SUGCT: variants seen among roughly 807,000 people sequenced by gnomAD.
The protein encoded by SUGCT is succinyl-CoA:glutarate CoA-transferase.
A neutral mutation model predicts 55.0 loss-of-function variants in SUGCT; 41 were observed. The observed-to-expected ratio is 0.74, with a 90% CI of 0.58 to 0.97. The LOEUF is 0.97. SUGCT is among the 50% of genes least tolerant of loss of function. The probability of loss-of-function intolerance (pLI) is 0.00; values close to 1 mark genes in which losing one functional copy is unlikely to be tolerated. For missense variants in SUGCT, 568 were observed against 547.8 expected, an observed-to-expected ratio of 1.04 and a Z score of -0.37; for synonymous variants, 187 against 200.4, an observed-to-expected ratio of 0.93 and a Z score of 0.56.
chr7:40,285,076 A>G (rs1317916099), intron 8 of SUGCT, among the ~76,000 whole-genome samples: 1 of 152,218 alleles, frequency 6.6e-6, no homozygotes, highest in Non-Finnish European at 1.5e-5. Flanking sequence ...TAGTGGGAGA[A>G]TATCCCAAAG....
At chr7:40,154,920 T>C (rs1783807247) in intron 1 of SUGCT, among the ~76,000 whole-genome samples, 1 of 152,218 alleles carries the variant, frequency 6.6e-6, no homozygotes, top group South Asian at 2.1e-4. Context: ...TATTCAGAAC[T>C]AAAATAGAGG....
intron 9 of SUGCT, among the ~76,000 whole-genome samples, chr7:40,392,972 G>A (rs911413340): frequency 2.6e-5 from 4 of 152,202 alleles, no homozygotes; most frequent in African/African-American, 9.6e-5. Context: ...AAGAGGGTCA[G>A]GCAGAAGATA....
At chr7:40,295,944 G>A (rs1276516035) in intron 8 of SUGCT, among the ~76,000 whole-genome samples, 1 of 152,120 alleles carries the variant, frequency 6.6e-6, no homozygotes, top group Non-Finnish European at 1.5e-5. Context: ...GATTTACTTT[G>A]CCATGTGTAG....
At chr7:40,622,583 T>G (rs1290552366) in intron 12 of SUGCT, among the ~76,000 whole-genome samples, 1 of 147,724 alleles carries the variant, frequency 6.8e-6, no homozygotes, top group African/African-American at 2.5e-5. Context: ...TGGCTAAAAT[T>G]CACACACATA....
chr7:41,018,273 CACCAAAGGGGCT>C, the SUGCT span, among the ~76,000 whole-genome samples: 1 of 152,066 alleles, frequency 6.6e-6, no homozygotes. Context: ...CCAGAAAGGC[CACCAAAGGGGCT>C]ACCAGAGAAG....
chr7:40,219,020 A>G (rs1787858476), intron 6 of SUGCT, among the ~76,000 whole-genome samples: 1 of 152,296 alleles, frequency 6.6e-6, no homozygotes, highest in East Asian at 1.9e-4. Context: ...TTGGGTCCGC[A>G]CTACCTTTAT....
At chr7:40,557,679 A>T (rs1458360689) in intron 12 of SUGCT, among the ~76,000 whole-genome samples, 1 of 152,008 alleles carries the variant, frequency 6.6e-6, no homozygotes, top group East Asian at 1.9e-4. Flanking sequence ...AGTCTGAGGC[A>T]AAAGAATCAC....
chr7:40,919,739 T>C, the SUGCT span, among the ~76,000 whole-genome samples: 72 of 152,328 alleles, frequency 4.7e-4, no homozygotes, highest in Middle Eastern at 6.8e-3. Flanking sequence ...CATTTTTAGA[T>C]TGTTGCTAGA....
intron 9 of SUGCT, among the ~76,000 whole-genome samples, chr7:40,446,470 A>G (rs193129851): frequency 1.2e-4 from 19 of 152,290 alleles, no homozygotes; most frequent in Admixed American, 1.1e-3. Flanking sequence ...TTCTTTCTGT[A>G]GTTGAGAAAC....
At chr7:40,458,474 T>A (rs1489134514) in intron 10 of SUGCT, among the ~76,000 whole-genome samples, 2 of 152,226 alleles carry the variant, frequency 1.3e-5, no homozygotes, top group Non-Finnish European at 2.9e-5. Flanking sequence ...GGAGATATAT[T>A]CATAAAAAAT....
intron 6 of SUGCT, among the ~76,000 whole-genome samples, chr7:40,210,578 T>C (rs369514167): frequency 1.3e-5 from 2 of 152,124 alleles, no homozygotes; most frequent in African/African-American, 4.8e-5. Flanking sequence ...TTTTCAATTC[T>C]CAGCAAGGCA....
intron 13 of SUGCT, among the ~76,000 whole-genome samples, chr7:40,774,053 T>C (rs185704387): frequency 1.0e-3 from 158 of 152,312 alleles, no homozygotes; most frequent in Middle Eastern, 3.4e-3. Context: ...AATTTTAGAA[T>C]CTCACAATAC....
chr7:40,254,604 G>A (rs897829802), intron 7 of SUGCT, among the ~76,000 whole-genome samples: 2 of 151,308 alleles, frequency 1.3e-5, no homozygotes, highest in Non-Finnish European at 2.9e-5. Context: ...CATGTTGGCT[G>A]GACTGGTCTT....
intron 9 of SUGCT, among the ~76,000 whole-genome samples, chr7:40,360,294 A>G (rs1054575642): frequency 6.6e-6 from 1 of 152,218 alleles, no homozygotes; most frequent in African/African-American, 2.4e-5. Flanking sequence ...GATAACAGGC[A>G]TGAGCCACTG....
intron 9 of SUGCT, among the ~76,000 whole-genome samples, chr7:40,365,536 C>T (rs1009900525): frequency 6.6e-6 from 1 of 152,184 alleles, no homozygotes; most frequent in Non-Finnish European, 1.5e-5. Context: ...CCTAAAATCT[C>T]CTTAAGCTGA....
In SUGCT at chr7:40,332,681, G is replaced by A. The variant is rs556471370; in HGVS notation, c.816+15826G>A. On this transcript the variant is annotated intron_variant, in intron 9 of 13. Transcript: ENST00000335693. The stretch of plus-strand genomic sequence containing the variant: ...TACTGTGTAGACTGCAAAAGAATCT[G>A]AGGTTTGTTCAGCAAACATAATGGT... Among the ~76,000 whole-genome samples, 14 of 152,240 alleles carry A rather than the reference G, an allele frequency of 9.2e-5. No homozygotes were observed. The East Asian group carries it at 2.7e-3, about 29-fold the overall frequency.
chr7:40,357,682 T>A (rs1420366779), intron 9 of SUGCT, among the ~76,000 whole-genome samples: 1 of 152,358 alleles, frequency 6.6e-6, no homozygotes, highest in East Asian at 1.9e-4. Flanking sequence ...GTAATTTTCA[T>A]GTATCATGAG....
intron 13 of SUGCT, among the ~76,000 whole-genome samples, chr7:40,801,233 C>T (rs1790800334): frequency 6.6e-6 from 1 of 152,204 alleles, no homozygotes; most frequent in Admixed American, 6.5e-5. Context: ...TACACATGAG[C>T]CATCCGGGGT....
chr7:40,288,865 T>C (rs187612733), intron 8 of SUGCT, among the ~76,000 whole-genome samples: 24 of 152,334 alleles, frequency 1.6e-4, no homozygotes, highest in Middle Eastern at 6.8e-3. Flanking sequence ...ATTTGGAATA[T>C]TGCCATCAAA....
Sources: allele counts gnomAD v4.1 joint callset (sites outside exome capture counted in the v4.1 genomes callset), GRCh38; gene constraint gnomAD v4.1.1; transcripts MANE v1.5; gene names NCBI Gene and HGNC (gene_info 2026-07-23, HGNC 2026-07-21).